Variants in TRABD2B observed in about 807,000 individuals in gnomAD.
TRABD2B encodes metalloprotease TIKI2.
A neutral mutation model predicts 40.1 loss-of-function variants in TRABD2B; 14 were observed. The ratio of observed to expected loss-of-function variants is 0.35; its 90% CI spans 0.23 to 0.55. The LOEUF (loss-of-function observed/expected upper bound fraction) is 0.55, where lower values mean the gene tolerates loss of function less well. Among genes scored for constraint, TRABD2B ranks in the 20% least tolerant of loss-of-function variants. TRABD2B has a pLI of 0.90. For synonymous variants in TRABD2B, 263 were observed against 277.0 expected, an observed-to-expected ratio of 0.95 and a Z score of 0.50; for missense variants, 541 against 648.6, an observed-to-expected ratio of 0.83 and a Z score of 1.80.
Position 47,794,738 on chromosome 1 carries a change from G to A in TRABD2B, c.836C>T (p.Thr279Ile), listed in dbSNP as rs545430601. The A allele has an allele frequency of 5.2e-6, 8 of 1,533,868 alleles. No individual in the cohort carries two copies. Among genetic ancestry groups the A allele is most frequent in the Admixed American group, 2.0e-5 (1 of 50,722 alleles). The change falls in exon 4 of 7, where the codon ACC (threonine) becomes ATC (isoleucine). Residue 279 changes from threonine to isoleucine, a missense_variant. Transcript: ENST00000606738. ...CGTCACCTGCTCGTGTGGCGGGAGG[G>A]TGGTGTTGATAAAGTTGGGCAGCTG... ...TSQLPNFINT[T>I]LPPHEQVTAQ...
chr1:47,947,047 G>T (rs958261991), intron 2 of TRABD2B, among the ~76,000 whole-genome samples: 1 of 151,674 alleles, frequency 6.6e-6, no homozygotes, highest in South Asian at 2.1e-4. Context: ...CCAAACCTTT[G>T]TTGCAACCCT....
intron 2 of TRABD2B, among the ~76,000 whole-genome samples, chr1:47,846,186 G>C (rs76627788): frequency 6.6e-6 from 1 of 152,192 alleles, no homozygotes; most frequent in Non-Finnish European, 1.5e-5. Flanking sequence ...AATACATTCA[G>C]CATGCTTCCC....
intron 2 of TRABD2B, among the ~76,000 whole-genome samples, chr1:47,906,843 C>T (rs967272848): frequency 2.6e-5 from 4 of 152,232 alleles, no homozygotes; most frequent in African/African-American, 9.6e-5. Flanking sequence ...TGGCCTGGCT[C>T]TTGAGGGCAG....
chr1:47,883,445 C>T (rs1429542734), intron 2 of TRABD2B, among the ~76,000 whole-genome samples: 1 of 152,104 alleles, frequency 6.6e-6, no homozygotes, highest in Non-Finnish European at 1.5e-5. Flanking sequence ...AAGACAGAGA[C>T]ATAACTAGGG....
chr1:47,993,857 C>T (rs1433582702), intron 2 of TRABD2B, among the ~76,000 whole-genome samples, 177 bp downstream of exon 2: 1 of 152,198 alleles, frequency 6.6e-6, no homozygotes, highest in Non-Finnish European at 1.5e-5. Flanking sequence ...ACGCCACTCT[C>T]AACTGATACC....
intron 2 of TRABD2B, among the ~76,000 whole-genome samples, chr1:47,980,655 T>C (rs1645828340): frequency 6.6e-6 from 1 of 152,174 alleles, no homozygotes; most frequent in African/African-American, 2.4e-5. Flanking sequence ...CAGAGAAGCA[T>C]CCCAGCCATC....
chr1:47,995,647 C>A (rs192497444), intron 1 of TRABD2B, among the ~76,000 whole-genome samples: 1 of 152,300 alleles, frequency 6.6e-6, no homozygotes, highest in African/African-American at 2.4e-5. Flanking sequence ...GGAGTGCCCA[C>A]TGACCACTTG....
chr1:47,866,778 T>C (rs976586990), intron 2 of TRABD2B, among the ~76,000 whole-genome samples: 90 of 152,240 alleles, frequency 5.9e-4, no homozygotes, highest in African/African-American at 2.0e-3. Context: ...CCCCTCTCCA[T>C]CCCACTGGGC....
intron 2 of TRABD2B, among the ~76,000 whole-genome samples, chr1:47,916,314 G>A (rs945884288): frequency 6.6e-6 from 1 of 152,122 alleles, no homozygotes. Context: ...ATCCACTAAG[G>A]AGTCCACTAC....
At chr1:47,981,894 C>G (rs1201585608) in intron 2 of TRABD2B, among the ~76,000 whole-genome samples, 1 of 152,184 alleles carries the variant, frequency 6.6e-6, no homozygotes, top group Non-Finnish European at 1.5e-5. Flanking sequence ...AACATCCAAC[C>G]TGTCTGAGCA....
At chr1:47,938,339 A>G (rs76717862) in intron 2 of TRABD2B, among the ~76,000 whole-genome samples, 5,699 of 152,306 alleles carry the variant, frequency 0.037, 379 homozygotes, top group African/African-American at 0.13. Context: ...TGGTTATTTT[A>G]GTCCCAGCTC....
At chr1:47,993,855 C>T (rs895460476) in intron 2 of TRABD2B, among the ~76,000 whole-genome samples, 179 bp downstream of exon 2, 1 of 152,192 alleles carries the variant, frequency 6.6e-6, no homozygotes, top group Admixed American at 6.5e-5. Flanking sequence ...ATACGCCACT[C>T]TCAACTGATA....
chr1:47,921,709 T>C (rs997945175), intron 2 of TRABD2B, among the ~76,000 whole-genome samples: 4 of 152,196 alleles, frequency 2.6e-5, no homozygotes, highest in African/African-American at 9.7e-5. Context: ...GCACCTACTA[T>C]GGATGTGTGC....
At chr1:47,977,356 G>A (rs905526111) in intron 2 of TRABD2B, among the ~76,000 whole-genome samples, 2 of 152,156 alleles carry the variant, frequency 1.3e-5, no homozygotes, top group African/African-American at 4.8e-5. Flanking sequence ...ACAGGTGTGA[G>A]CCACTGCGCC....
At chr1:47,953,085 T>C (rs1192934933) in intron 2 of TRABD2B, among the ~76,000 whole-genome samples, 3 of 152,108 alleles carry the variant, frequency 2.0e-5, no homozygotes, top group Admixed American at 2.0e-4. Flanking sequence ...TGGGGGAACA[T>C]TTGCTTTAAT....
intron 4 of TRABD2B, among the ~76,000 whole-genome samples, chr1:47,784,486 G>C (rs536356036): frequency 1.3e-5 from 2 of 152,272 alleles, no homozygotes; most frequent in East Asian, 3.9e-4. Flanking sequence ...GGCTCCCCCC[G>C]ATCAGCACAC....
chr1:47,899,359 G>C (rs774765369), intron 2 of TRABD2B, among the ~76,000 whole-genome samples: 1 of 152,240 alleles, frequency 6.6e-6, no homozygotes, highest in Non-Finnish European at 1.5e-5. Flanking sequence ...GTGGGACCTA[G>C]AGAATCACAG....
At chr1:47,788,850 T>C (rs1021025906) in intron 4 of TRABD2B, among the ~76,000 whole-genome samples, 1 of 152,100 alleles carries the variant, frequency 6.6e-6, no homozygotes, top group Non-Finnish European at 1.5e-5. Flanking sequence ...GGTCCACCCC[T>C]GAGTCCGGCT....
intron 2 of TRABD2B, among the ~76,000 whole-genome samples, chr1:47,936,233 T>C (rs1645104999): frequency 6.6e-6 from 1 of 152,172 alleles, no homozygotes. Flanking sequence ...GGGGCTGAGG[T>C]CATGAATTGA....
Sources: gnomAD v4.1 joint callset for allele counts (sites outside exome capture counted in the v4.1 genomes callset) on GRCh38, gnomAD v4.1.1 for gene constraint, MANE v1.5 for transcripts, NCBI Gene and HGNC (gene_info 2026-07-23, HGNC 2026-07-21) for gene names.